The following TTLL13 variants were observed in gnomAD, a reference collection of about 807,000 sequenced individuals.
TTLL13 encodes tubulin tyrosine ligase like 13.
At chr15:90,261,011 G>A in the TTLL13 span, among the ~76,000 whole-genome samples, 1 of 151,946 alleles carries the variant, frequency 6.6e-6, no homozygotes, top group Non-Finnish European at 1.5e-5. Flanking sequence ...GTAAGATTAT[G>A]GAAGGCTTTA....
the TTLL13 span, among the ~76,000 whole-genome samples, chr15:90,255,014 A>G: frequency 1.3e-5 from 2 of 152,238 alleles, no homozygotes; most frequent in Non-Finnish European, 2.9e-5. Flanking sequence ...GGAGGGTCAG[A>G]AATACTAAGT....
At chr15:90,253,159 C>T in the TTLL13 span, 8 of 935,852 alleles carry the variant, frequency 8.5e-6, no homozygotes, top group East Asian at 1.8e-4. Flanking sequence ...GCCCTCGGGT[C>T]AGGTGTATAC....
chr15:90,252,524 T>C, the TTLL13 span, among the ~76,000 whole-genome samples: 1 of 152,190 alleles, frequency 6.6e-6, no homozygotes, highest in Non-Finnish European at 1.5e-5. Flanking sequence ...AAAACAGTTT[T>C]TTCAAGGAAG....
At chr15:90,256,416 T>G in the TTLL13 span, 1 of 1,259,832 alleles carries the variant, frequency 7.9e-7, no homozygotes, top group African/African-American at 1.5e-5. Context: ...CTAGCCCCGT[T>G]TTCCTGGAGG....
chr15:90,252,341 C>T, the TTLL13 span, among the ~76,000 whole-genome samples: 2 of 151,958 alleles, frequency 1.3e-5, no homozygotes, highest in African/African-American at 4.8e-5. Flanking sequence ...CCAGCCTGCC[C>T]AGCTAATTCT....
the TTLL13 span, chr15:90,262,161 C>G: frequency 6.5e-7 from 1 of 1,535,204 alleles, no homozygotes. Flanking sequence ...CAAGAGACTG[C>G]TGCTTCCAAG....
At chr15:90,251,383 C>G in the TTLL13 span, among the ~76,000 whole-genome samples, 1 of 151,110 alleles carries the variant, frequency 6.6e-6, no homozygotes, top group African/African-American at 2.4e-5. Flanking sequence ...CTCGGCCTCC[C>G]AAAGTGCTGG....
the TTLL13 span, chr15:90,251,016 G>T: frequency 1.7e-5 from 22 of 1,258,728 alleles, no homozygotes; most frequent in African/African-American, 3.2e-4. Flanking sequence ...GGAAATGCTG[G>T]AGTGTCATTA....
the TTLL13 span, among the ~76,000 whole-genome samples, chr15:90,254,730 C>T: frequency 1.3e-5 from 2 of 152,012 alleles, no homozygotes; most frequent in East Asian, 1.9e-4. Context: ...GCTTTAGTCC[C>T]AGCCACTTGG....
the TTLL13 span, chr15:90,258,519 G>T: frequency 2.6e-5 from 16 of 614,194 alleles, no homozygotes; most frequent in Non-Finnish European, 4.6e-5. Flanking sequence ...TAAGTCTTTA[G>T]GGACACACTA....
the TTLL13 span, chr15:90,263,520 A>G: frequency 3.8e-6 from 2 of 531,940 alleles, no homozygotes; most frequent in South Asian, 2.9e-5. Flanking sequence ...CTAATGGGAG[A>G]TAAGTAAACA....
the TTLL13 span, chr15:90,263,183 A>C: frequency 6.8e-7 from 1 of 1,479,822 alleles, no homozygotes; most frequent in Non-Finnish European, 8.9e-7. Context: ...GGAAAAGGGA[A>C]CAAGGGCTGT....
the TTLL13 span, chr15:90,259,014 T>C: frequency 3.1e-6 from 5 of 1,601,690 alleles, no homozygotes; most frequent in East Asian, 1.1e-4. Context: ...GGCCTGGGGC[T>C]GATTTGCTAT....
At chr15:90,260,193 C>A in the TTLL13 span, among the ~76,000 whole-genome samples, 2 of 152,136 alleles carry the variant, frequency 1.3e-5, no homozygotes, top group African/African-American at 4.8e-5. Flanking sequence ...GAGTACTAGG[C>A]AGCCATTTAA....
At chr15:90,249,838 G>A in the TTLL13 span, 1 of 152,258 alleles carries the variant, frequency 6.6e-6, no homozygotes, top group Non-Finnish European at 1.5e-5. Flanking sequence ...ACAGCCCAAA[G>A]GGTCTTAGCC....
At chr15:90,251,897 C>G in the TTLL13 span, among the ~76,000 whole-genome samples, 6 of 151,420 alleles carry the variant, frequency 4.0e-5, no homozygotes, top group Non-Finnish European at 8.8e-5. Context: ...ATTTTTGAGA[C>G]AGAGTCTCGC....
At chr15:90,258,842 T>C in the TTLL13 span, 2 of 1,614,154 alleles carry the variant, frequency 1.2e-6, no homozygotes, top group Admixed American at 1.7e-5. Flanking sequence ...CCTCCGGGGC[T>C]GTGACAAAAG....
the TTLL13 span, among the ~76,000 whole-genome samples, chr15:90,254,776 G>A: frequency 6.6e-6 from 1 of 152,122 alleles, no homozygotes; most frequent in African/African-American, 2.4e-5. Flanking sequence ...AGCCTGGGAG[G>A]CAGAGGCCGC....
chr15:90,258,386 T>A, the TTLL13 span: 1 of 896,502 alleles, frequency 1.1e-6, no homozygotes, highest in Non-Finnish European at 1.8e-6. Flanking sequence ...GTGAAAGCCC[T>A]GGGGTGGGCA....
Sources: gnomAD v4.1 joint callset for allele counts (sites outside exome capture counted in the v4.1 genomes callset) on GRCh38, gnomAD v4.1.1 for gene constraint, MANE v1.5 for transcripts, NCBI Gene and HGNC (gene_info 2026-07-23, HGNC 2026-07-21) for gene names.